The following ZNF254 variants were observed in gnomAD, a reference collection of about 807,000 sequenced individuals.
The protein encoded by ZNF254 is zinc finger protein 254, also known as CTD-2017D11.1.
Under a neutral mutation model 12.4 loss-of-function variants are expected in ZNF254, and 10 were observed. That is an observed-to-expected ratio of 0.80 (90% CI 0.50 to 1.36). The LOEUF is 1.36. ZNF254 is among the 40% of genes most tolerant of loss of function. ZNF254 has a pLI of 0.00. For synonymous variants in ZNF254, 305 were observed against 253.4 expected, an observed-to-expected ratio of 1.20 and a Z score of -1.93; for missense variants, 996 against 763.9, an observed-to-expected ratio of 1.30 and a Z score of -3.58.
intron 3 of ZNF254, among the ~76,000 whole-genome samples, chr19:24,116,251 A>T (rs1214633846): frequency 1.3e-5 from 2 of 152,090 alleles, no homozygotes; most frequent in Non-Finnish European, 2.9e-5. Context: ...CTGCCTTGCT[A>T]GATTAGGGAA....
At chr19:24,057,208 A>G (rs888316) in intron 2 of ZNF254, among the ~76,000 whole-genome samples, 22,891 of 152,228 alleles carry the variant, frequency 0.15, 1,995 homozygotes, top group Middle Eastern at 0.23. Context: ...CACTTTGCCA[A>G]TTGTTAAGAT....
chr19:24,077,781 T>G (rs1420996127), intron 2 of ZNF254, among the ~76,000 whole-genome samples: 2 of 152,028 alleles, frequency 1.3e-5, no homozygotes, highest in Non-Finnish European at 2.9e-5. Context: ...ACAGGGTGTG[T>G]GTGTCTAAAG....
intron 3 of ZNF254, among the ~76,000 whole-genome samples, chr19:24,119,801 T>C (rs1000590801): frequency 6.6e-6 from 1 of 152,096 alleles, no homozygotes; most frequent in Non-Finnish European, 1.5e-5. Flanking sequence ...TTAATTTATA[T>C]TTAAAATTAT....
intron 2 of ZNF254, among the ~76,000 whole-genome samples, chr19:24,082,103 A>G (rs1971863483): frequency 1.3e-5 from 2 of 151,870 alleles, no homozygotes; most frequent in Non-Finnish European, 2.9e-5. Context: ...AGCCTGGGCA[A>G]CAAGAGTGAA....
At chr19:24,047,349 T>C (rs1489620579) in intron 2 of ZNF254, among the ~76,000 whole-genome samples, 2 of 151,876 alleles carry the variant, frequency 1.3e-5, no homozygotes, top group East Asian at 3.9e-4. Flanking sequence ...CCTTCCTTCC[T>C]ACCTTTCTTT....
intron 1 of ZNF254, among the ~76,000 whole-genome samples, chr19:24,088,964 CTTTTTTTTTTTTT>C (rs74175785): frequency 0.21 from 20,992 of 100,224 alleles, 2,244 homozygotes; most frequent in East Asian, 0.26. Flanking sequence ...GCCAATTAAT[CTTTTTTTTTTTTT>C]TTTTTTTTTT....
chr19:24,098,986 C>CTTTT (rs1972833206), intron 1 of ZNF254: 2 of 109,396 alleles, frequency 1.8e-5, no homozygotes, highest in African/African-American at 4.5e-5. Context: ...TCAGGCTTCG[C>CTTTT]TCTTTTTTTT....
At chr19:24,088,835 T>G (rs1972186881) in intron 1 of ZNF254, among the ~76,000 whole-genome samples, 1 of 151,994 alleles carries the variant, frequency 6.6e-6, no homozygotes, top group African/African-American at 2.4e-5. Flanking sequence ...TTTTGTATTT[T>G]TAGTAGAGAC....
At chr19:24,048,003 CT>C (rs398034320) in intron 2 of ZNF254, among the ~76,000 whole-genome samples, 46 of 68,820 alleles carry the variant, frequency 6.7e-4, no homozygotes, top group East Asian at 4.1e-3. Flanking sequence ...TTCTTTTCTT[CT>C]TTTTTTTTTT....
At chr19:24,060,712 A>G (rs991967478) in intron 2 of ZNF254, among the ~76,000 whole-genome samples, 60 of 152,256 alleles carry the variant, frequency 3.9e-4, no homozygotes, top group African/African-American at 1.4e-3. Context: ...TGACATCTCT[A>G]GGTTCATCAT....
chr19:24,068,633 A>T (rs1450458178), intron 2 of ZNF254, among the ~76,000 whole-genome samples: 2 of 151,984 alleles, frequency 1.3e-5, no homozygotes, highest in East Asian at 3.9e-4. Flanking sequence ...TTAGATTTTA[A>T]TCCATCCCCA....
chr19:24,056,554 A>G (rs564169733), intron 2 of ZNF254, among the ~76,000 whole-genome samples: 1 of 152,302 alleles, frequency 6.6e-6, no homozygotes, highest in East Asian at 1.9e-4. Flanking sequence ...TGCTGGGCCC[A>G]GCAACATGGT....
intron 3 of ZNF254, among the ~76,000 whole-genome samples, chr19:24,117,320 G>A (rs200004378): frequency 6.6e-6 from 1 of 152,282 alleles, no homozygotes; most frequent in Non-Finnish European, 1.5e-5. Flanking sequence ...AGGCAGGCAG[G>A]CCTCCTTGAG....
chr19:24,110,180 A>G (rs1258543005), intron 3 of ZNF254, among the ~76,000 whole-genome samples: 3 of 152,176 alleles, frequency 2.0e-5, no homozygotes, highest in Non-Finnish European at 2.9e-5. Flanking sequence ...AAAAAGATGT[A>G]TAATTCTGTA....
At chr19:24,035,315 C>T (rs1418908538) in intron 1 of ZNF254, among the ~76,000 whole-genome samples, 1 of 152,180 alleles carries the variant, frequency 6.6e-6, no homozygotes, top group Non-Finnish European at 1.5e-5. Flanking sequence ...AGGCGCACCA[C>T]CATGCCTGGC....
intron 3 of ZNF254, 171 bp downstream of exon 3, chr19:24,106,814 T>C (rs1339174850): frequency 2.2e-6 from 1 of 452,476 alleles, no homozygotes; most frequent in Non-Finnish European, 3.9e-6. Context: ...TGCTTATGCC[T>C]ATAAAATCTA....
chr19:24,071,322 C>T (rs1971472544), intron 2 of ZNF254, among the ~76,000 whole-genome samples: 1 of 152,180 alleles, frequency 6.6e-6, no homozygotes, highest in South Asian at 2.1e-4. Flanking sequence ...TGCCTGTTCC[C>T]TGTCCACAGG....
intron 2 of ZNF254, among the ~76,000 whole-genome samples, chr19:24,060,668 T>C (rs1333863208): frequency 1.3e-5 from 2 of 152,214 alleles, no homozygotes; most frequent in African/African-American, 4.8e-5. Flanking sequence ...ATGATTCTAT[T>C]CTTCTGCATT....
intron 3 of ZNF254, among the ~76,000 whole-genome samples, chr19:24,118,869 T>C (rs1464525354): frequency 6.6e-6 from 1 of 152,038 alleles, no homozygotes; most frequent in African/African-American, 2.4e-5. Context: ...CCTAGCACTT[T>C]GGGGGGCTGA....
Sources: gnomAD v4.1 joint callset for allele counts (sites outside exome capture counted in the v4.1 genomes callset) on GRCh38, gnomAD v4.1.1 for gene constraint, MANE v1.5 for transcripts, NCBI Gene and HGNC (gene_info 2026-07-23, HGNC 2026-07-21) for gene names.